ENPP1: variants seen among roughly 807,000 people sequenced by gnomAD.
ENPP1 encodes the protein ectonucleotide pyrophosphatase/phosphodiesterase 1, also known as ectonucleotide pyrophosphatase/phosphodiesterase family member 1.
A neutral mutation model predicts 122.8 loss-of-function variants in ENPP1; 73 were observed. The observed-to-expected ratio is 0.59, with a 90% CI of 0.49 to 0.72. The LOEUF is 0.72. ENPP1 is among the 30% of genes least tolerant of loss of function. The probability of loss-of-function intolerance (pLI) is 0.00; values close to 1 mark genes in which losing one functional copy is unlikely to be tolerated. For synonymous variants in ENPP1, 367 were observed against 391.6 expected (o/e 0.94, Z 0.74); for missense variants, 978 against 1,128.1 (o/e 0.87, Z 1.91).
At chr6:131,824,929 A>G (rs947123287) in intron 1 of ENPP1, among the ~76,000 whole-genome samples, 4 of 151,982 alleles carry the variant, frequency 2.6e-5, no homozygotes, top group African/African-American at 9.7e-5. Context: ...TTGTCGTGGC[A>G]CACACCTGTA....
rs776816625 is a variant in ENPP1, at chr6:131,847,858, TG to T, written c.313+11del. 8.5e-3 allele frequency: 3,765 copies of T among 440,832 alleles called. 33 individuals are homozygous for T. The highest frequency in any genetic ancestry group is 0.032 in the African/African-American group (1,096 of 33,806). The allele number at this position is 440,832 out of a possible 1,614,324, so 27.3% of individuals were successfully genotyped here. On this transcript the variant is annotated intron_variant, in intron 2 of 24. Transcript: ENST00000647893. ...AGCTGTGCCAAAGAAGGTAATTAGG[TG>T]TGTGTGTGTGTGTGTGTGTGTGTGT...
rs1440472028 is a variant in ENPP1, at chr6:131,828,055, G to A, written c.241-19721G>A. On this transcript the variant is annotated intron_variant, in intron 1 of 24. Coordinates refer to ENST00000647893, the MANE Select transcript of ENPP1 (RefSeq NM_006208.3). ...GTGTGTGCAAGAGCACCAGGTAGGG[G>A]AAGAACGTTGCAAACCAATGGAGCT... 1.4e-5 allele frequency: 9 copies of A among 653,730 alleles called. No individual in the cohort carries two copies. In the Admixed American group the frequency reaches 1.6e-4, roughly 12 times the overall value. 40.5% of individuals were successfully genotyped at this position (653,730 alleles called of 1,614,324 possible). A position where few individuals can be genotyped will look rare whatever the true frequency, so the allele number is the denominator to read the frequency against.
intron 1 of ENPP1, chr6:131,826,254 G>A (rs1781544849): frequency 2.0e-6 from 2 of 1,002,106 alleles, no homozygotes; most frequent in Non-Finnish European, 3.2e-6. Flanking sequence ...GCATCTCACT[G>A]TTGTTGTTGG....
chr6:131,827,044 C>G (rs796413666), intron 1 of ENPP1: 1 of 566,566 alleles, frequency 1.8e-6, no homozygotes, highest in South Asian at 1.7e-5. Context: ...AGCTGTGAGA[C>G]GGCAGACGGC....
In ENPP1 at chr6:131,885,006, G is replaced by A. The variant is rs1278614872; in HGVS notation, c.2387G>A (p.Gly796Asp). The A allele has an allele frequency of 6.2e-7, 1 of 1,613,930 alleles. No individual in the cohort carries two copies. The highest frequency in any genetic ancestry group is 8.5e-7 in the Non-Finnish European group (1 of 1,179,974). Reference sequence around the variant, plus strand: ...AGAAATGGTGTCAATGTCGTCAGTGGTCCTGTGTTTGACTTTGATTATGAT... The same window carrying A: ...AGAAATGGTGTCAATGTCGTCAGTGATCCTGTGTTTGACTTTGATTATGAT... ...EERNGVNVVSGPVFDFDYDGR... is the reference protein window; with the variant it reads ...EERNGVNVVSDPVFDFDYDGR... Residue 796 changes from glycine to aspartate, a missense_variant, in exon 23 of 25, where the codon GGT (glycine) becomes GAT (aspartate). Transcript: ENST00000647893.
intron 18 of ENPP1, chr6:131,877,867 ATATATATATATATAT>A (rs1284823830): frequency 2.0e-4 from 6 of 30,668 alleles, no homozygotes; most frequent in African/African-American, 2.7e-4. Context: ...AAAAAAAAAA[ATATATATATATATAT>A]ATATATATAT....
At chr6:131,847,553 A>T (rs1314571810) in intron 1 of ENPP1, among the ~76,000 whole-genome samples, 1 of 152,202 alleles carries the variant, frequency 6.6e-6, no homozygotes, top group Non-Finnish European at 1.5e-5. Flanking sequence ...TTTTAAAACT[A>T]TATAAGGCCA....
rs564304453 is a variant in ENPP1 at position 131,893,949 on chromosome 6, C to CTTTTTTTTTTTTTTTTTTTTT, written c.*3448_*3468dup. On this transcript the variant is annotated 3_prime_UTR_variant, in exon 25 of 25. Transcript: ENST00000647893. The stretch of plus-strand genomic sequence containing the variant: ...GTGAAACCTTTATTTATCTTGATTT[C>CTTTTTTTTTTTTTTTTTTTTT]TTTTTTTTTTTTTTTTTTTTTTTTT... 3 of 59,478 alleles carry CTTTTTTTTTTTTTTTTTTTTT rather than the reference C, an allele frequency of 5.0e-5. No homozygotes were observed. The highest frequency in any genetic ancestry group is 9.2e-5 in the Non-Finnish European group (3 of 32,642). 3.7% of individuals were successfully genotyped at this position (59,478 alleles called of 1,614,324 possible). A position where few individuals can be genotyped will look rare whatever the true frequency, so the allele number is the denominator to read the frequency against.
At chr6:131,822,976 T>C (rs898978443) in intron 1 of ENPP1, among the ~76,000 whole-genome samples, 1 of 152,206 alleles carries the variant, frequency 6.6e-6, no homozygotes, top group Non-Finnish European at 1.5e-5. Flanking sequence ...TGAGAAAATA[T>C]ATACTCCTAA....
At chr6:131,823,177 G>T (rs749386154) in intron 1 of ENPP1, among the ~76,000 whole-genome samples, 2 of 152,122 alleles carry the variant, frequency 1.3e-5, no homozygotes, top group Non-Finnish European at 2.9e-5. Flanking sequence ...ATGTGTGTTT[G>T]TTAAATACAT....
intron 1 of ENPP1, among the ~76,000 whole-genome samples, chr6:131,822,908 T>A (rs917219699): frequency 2.6e-5 from 4 of 152,182 alleles, no homozygotes; most frequent in Non-Finnish European, 5.9e-5. Context: ...TCTAAAATAA[T>A]AGCTTCTCTG....
intron 10 of ENPP1, 22 bp from the exon 11 acceptor site, chr6:131,864,844 A>T: frequency 6.8e-7 from 1 of 1,479,088 alleles, no homozygotes; most frequent in Non-Finnish European, 9.5e-7. Flanking sequence ...AAAATATTAC[A>T]TTTTGATACT....
chr6:131,824,377 C>T (rs183511163), intron 1 of ENPP1, among the ~76,000 whole-genome samples: 20 of 152,174 alleles, frequency 1.3e-4, no homozygotes, highest in Non-Finnish European at 2.2e-4. Flanking sequence ...GGCTGGTGTG[C>T]AGCGCTGAGT....
rs548504035 is a variant in ENPP1 at position 131,877,059 on chromosome 6, T to C, written c.1791T>C (p.Asn597=). 4.3e-4 allele frequency: 699 copies of C among 1,614,080 alleles called. 9 individuals carry two copies. The South Asian group carries it at 7.3e-3, about 17-fold the overall frequency. The change falls in exon 18 of 25, where the codon AAT becomes AAC. Residue 597 remains asparagine, a synonymous_variant. Coordinates refer to ENST00000647893, the MANE Select transcript of ENPP1 (RefSeq NM_006208.3). ...THGSLNHLLK[N]PVYTPKHPKE... ...GAAGTCTTAACCACCTTCTAAAGAA[T>C]CCTGTTTATACGCCAAAGCATCCCA...
intron 23 of ENPP1, 52 bp downstream of exon 23, chr6:131,885,115 A>G (rs777449177): frequency 1.3e-6 from 2 of 1,577,754 alleles, no homozygotes; most frequent in Non-Finnish European, 1.7e-6. Context: ...TCCAGTAGAA[A>G]TGGGATTACC....
chr6:131,851,290 C>T (rs2114692737), intron 4 of ENPP1, 23 bp downstream of exon 4: 1 of 1,613,966 alleles, frequency 6.2e-7, no homozygotes, highest in Non-Finnish European at 8.5e-7. Context: ...TTGGGCTCTG[C>T]AGCAGCCTGG....
At chr6:131,875,265 C>A (rs1441641562) in intron 16 of ENPP1, among the ~76,000 whole-genome samples, 1 of 152,006 alleles carries the variant, frequency 6.6e-6, no homozygotes, top group African/African-American at 2.4e-5. Flanking sequence ...TATGACATAT[C>A]TCCTATTATA....
At position 131,808,204 on chromosome 6, in the gene ENPP1, G is replaced by A. The variant is rs903591723; in HGVS notation, c.169G>A (p.Glu57Lys). ...ASLLAPMDVG[E>K]EPLEKAARAR... ...CTTGCTGGCCCCTATGGACGTGGGG[G>A]AGGAGCCGCTGGAGAAGGCGGCGCG... Residue 57 changes from glutamate to lysine, a missense_variant, in exon 1 of 25, where the codon GAG becomes AAG. Physicochemically the swap from Glu to Lys is moderately conservative, Grantham distance 56. Coordinates refer to ENST00000647893, the MANE Select transcript of ENPP1 (RefSeq NM_006208.3). The A allele has an allele frequency of 2.0e-6, 3 of 1,511,298 alleles. No individual in the cohort carries two copies. The African/African-American group carries it at 4.3e-5, about 22-fold the overall frequency. The allele number at this position is 1,511,298 out of a possible 1,614,324, so 93.6% of individuals were successfully genotyped here. A position where few individuals can be genotyped will look rare whatever the true frequency, so the allele number is the denominator to read the frequency against.
intron 2 of ENPP1, among the ~76,000 whole-genome samples, chr6:131,849,060 G>A (rs1007680276): frequency 4.6e-5 from 7 of 151,310 alleles, no homozygotes; most frequent in Non-Finnish European, 8.8e-5. Flanking sequence ...TTTTCTCATT[G>A]TCCTAATTTT....
Sources: gnomAD v4.1 joint callset for allele counts (sites outside exome capture counted in the v4.1 genomes callset) on GRCh38, gnomAD v4.1.1 for gene constraint, MANE v1.5 for transcripts, NCBI Gene and HGNC (gene_info 2026-07-23, HGNC 2026-07-21) for gene names.